LMTK2: variants seen among roughly 807,000 people sequenced by gnomAD.
The protein encoded by LMTK2 is serine/threonine-protein kinase LMTK2.
LMTK2 carries 37 observed loss-of-function variants against 127.5 expected under a neutral mutation model. That is an observed-to-expected ratio of 0.29 (90% CI 0.22 to 0.38). LMTK2 has a LOEUF of 0.38. Ranked by LOEUF, LMTK2 falls within the 10% of genes least tolerant of loss-of-function variation. The pLI is 1.00. For missense variants in LMTK2, 1,694 were observed against 1,920.3 expected (o/e 0.88, Z 2.20); for synonymous variants, 819 against 810.1 (o/e 1.01, Z -0.19).
chr7:98,187,115 C>T (rs1305727156), intron 9 of LMTK2, 117 bp downstream of exon 9: 1 of 906,934 alleles, frequency 1.1e-6, no homozygotes, highest in African/African-American at 1.7e-5. Context: ...AAAAGAGTAT[C>T]TGATGGTGTG....
intron 1 of LMTK2, among the ~76,000 whole-genome samples, chr7:98,134,469 G>C (rs1409823596): frequency 6.6e-6 from 1 of 152,122 alleles, no homozygotes; most frequent in Non-Finnish European, 1.5e-5. Context: ...TTCCTCAGGA[G>C]TCAAATTTAA....
chr7:98,194,416 C>T lies in LMTK2; in HGVS notation c.3951C>T (p.Pro1317=), dbSNP rs377216967. 18 of 1,614,038 alleles carry T rather than the reference C, an allele frequency of 1.1e-5. No homozygotes were observed. Among genetic ancestry groups the T allele is most frequent in the East Asian group, 2.2e-5 (1 of 44,882 alleles). ...SSESEDETEH[P]VPIILSNEDG... ...AGTCGGAGGACGAGACCGAGCACCC[C>T]GTGCCCATCATCCTCAGCAACGAGG... The change falls in exon 11 of 14, where the codon CCC becomes CCT. Residue 1317 remains proline (P), a synonymous_variant. Coordinates refer to ENST00000297293, the MANE Select transcript of LMTK2 (RefSeq NM_014916.4). The surrounding 1 kb of genome is among the most constrained non-coding windows in gnomAD (Gnocchi z 5.4).
chr7:98,148,671 GT>G (rs2116382411), intron 3 of LMTK2, among the ~76,000 whole-genome samples: 1 of 152,272 alleles, frequency 6.6e-6, no homozygotes, highest in South Asian at 2.1e-4. Flanking sequence ...GAAACTGGAC[GT>G]TTTGAATAAT....
At chr7:98,111,540 A>G (rs1439561276) in intron 1 of LMTK2, among the ~76,000 whole-genome samples, 1 of 152,210 alleles carries the variant, frequency 6.6e-6, no homozygotes, top group Non-Finnish European at 1.5e-5. Context: ...GAATAGCTTA[A>G]GGACCCTGGG....
chr7:98,148,007 C>T (rs1204055416), intron 3 of LMTK2, among the ~76,000 whole-genome samples: 2 of 151,986 alleles, frequency 1.3e-5, no homozygotes, highest in African/African-American at 2.4e-5. Flanking sequence ...ACCAGCCTGG[C>T]CAACTAGGGA....
At chr7:98,162,895 C>T (rs900959531) in intron 6 of LMTK2, among the ~76,000 whole-genome samples, 4 of 152,104 alleles carry the variant, frequency 2.6e-5, no homozygotes, top group East Asian at 1.9e-4. Context: ...AGGTGTCCAT[C>T]GATGGGTGAA....
chr7:98,196,097 G>A (rs1340068053), intron 11 of LMTK2, among the ~76,000 whole-genome samples: 2 of 151,870 alleles, frequency 1.3e-5, no homozygotes, highest in Non-Finnish European at 2.9e-5. Context: ...GCTGAGGCAT[G>A]AGAATTGCTT....
intron 1 of LMTK2, among the ~76,000 whole-genome samples, chr7:98,125,054 A>T (rs1263563339): frequency 1.3e-5 from 2 of 151,566 alleles, no homozygotes; most frequent in African/African-American, 4.8e-5. Context: ...CTGTAATCCC[A>T]GCACTTTGGG....
intron 4 of LMTK2, 69 bp from the exon 5 acceptor site, chr7:98,154,689 C>A: frequency 1.0e-6 from 1 of 977,158 alleles, no homozygotes; most frequent in South Asian, 1.4e-5. Flanking sequence ...GTTCCATTTC[C>A]CGGTAAATGC....
chr7:98,152,681 A>C (rs565483855), intron 4 of LMTK2, among the ~76,000 whole-genome samples: 7 of 152,254 alleles, frequency 4.6e-5, no homozygotes, highest in Middle Eastern at 3.4e-3. Context: ...GTGATCTGGG[A>C]TATTGTGTGC....
Position 98,106,876 on chromosome 7 carries a change from C to T in LMTK2, c.-302C>T. The stretch of plus-strand genomic sequence containing the variant: ...CCCCGCGCTACGTCACATGACGCAG[C>T]CCATCATGGCGGCGGGAGCGCGGCT... On this transcript the variant is annotated 5_prime_UTR_variant, in exon 1 of 14. Coordinates refer to ENST00000297293, the MANE Select transcript of LMTK2 (RefSeq NM_014916.4). The T allele has an allele frequency of 2.2e-6, 1 of 444,488 alleles. No homozygotes were observed. Among genetic ancestry groups the T allele is most frequent in the Non-Finnish European group, 4.0e-6 (1 of 251,372 alleles). 27.5% of individuals were successfully genotyped at this position (444,488 alleles called of 1,614,324 possible).
intron 11 of LMTK2, among the ~76,000 whole-genome samples, chr7:98,203,366 T>C (rs962841060): frequency 2.9e-4 from 44 of 152,346 alleles, no homozygotes; most frequent in African/African-American, 9.6e-4. Flanking sequence ...AGAGGGCTGC[T>C]TCATGCCTCT....
At chr7:98,127,971 C>T (rs62479795) in intron 1 of LMTK2, among the ~76,000 whole-genome samples, 30,980 of 151,960 alleles carry the variant, frequency 0.2, 3,437 homozygotes, top group South Asian at 0.38. Context: ...GGCGAAACCC[C>T]GTCTCTACTA....
At chr7:98,143,755 C>CT (rs1485902579) in intron 3 of LMTK2, among the ~76,000 whole-genome samples, 1 of 152,068 alleles carries the variant, frequency 6.6e-6, no homozygotes, top group Non-Finnish European at 1.5e-5. Context: ...CATGTTGACT[C>CT]TTGATCGAGC....
chr7:98,203,154 C>A (rs971976835), intron 11 of LMTK2, among the ~76,000 whole-genome samples: 9 of 152,178 alleles, frequency 5.9e-5, no homozygotes, highest in Non-Finnish European at 4.4e-5. Flanking sequence ...TCAGAAGACC[C>A]CCTTCCTGCT....
Position 98,171,760 on chromosome 7 carries a change from G to A in LMTK2, c.791+86G>A. On this transcript the variant is annotated intron_variant, in intron 7 of 13. Transcript: ENST00000297293. The surrounding 1 kb of genome is among the most constrained non-coding windows in gnomAD (Gnocchi z 5.1). ...CTGCCGAGTTTGTGAAACTTAAGGA[G>A]GACAGGAGGTGGCAGAATGAACCCA... 2.8e-6 allele frequency: 4 copies of A among 1,410,936 alleles called. No homozygotes were observed. The highest frequency in any genetic ancestry group is 1.4e-5 in the African/African-American group (1 of 69,538). 87.4% of individuals were successfully genotyped at this position (1,410,936 alleles called of 1,614,324 possible).
At chr7:98,188,749 G>T (rs1040763578) in intron 9 of LMTK2, among the ~76,000 whole-genome samples, 2 of 152,022 alleles carry the variant, frequency 1.3e-5, no homozygotes, top group Non-Finnish European at 2.9e-5. Flanking sequence ...TTTGTCTTTG[G>T]CTTTTGACAA....
intron 6 of LMTK2, among the ~76,000 whole-genome samples, chr7:98,170,791 A>G (rs1206180299): frequency 6.6e-6 from 1 of 152,182 alleles, no homozygotes; most frequent in Non-Finnish European, 1.5e-5. Flanking sequence ...CCTAAATGAA[A>G]ATCATGAAAT....
At chr7:98,119,050 C>T (rs1304031926) in intron 1 of LMTK2, among the ~76,000 whole-genome samples, 2 of 149,358 alleles carry the variant, frequency 1.3e-5, no homozygotes, top group Non-Finnish European at 3.0e-5. Context: ...CAAGATAGTG[C>T]CACTGCACTC....
Sources: allele counts gnomAD v4.1 joint callset (sites outside exome capture counted in the v4.1 genomes callset), GRCh38; gene constraint gnomAD v4.1.1; non-coding constraint Gnocchi (gnomAD v3.1); transcripts MANE v1.5; gene names NCBI Gene and HGNC (gene_info 2026-07-23, HGNC 2026-07-21).